Variants in MRPS28 observed in about 807,000 individuals in gnomAD.
MRPS28 encodes mitochondrial ribosomal protein S28, also known as small ribosomal subunit protein bS1m.
In MRPS28, 7 loss-of-function variants were observed where a neutral mutation model predicts 10.8. The observed-to-expected ratio is 0.65, with a 90% confidence interval of 0.37 to 1.22. The LOEUF (loss-of-function observed/expected upper bound fraction) is 1.22, where lower values mean the gene tolerates loss of function less well. Among genes scored for constraint, MRPS28 ranks in the 50% most tolerant of loss-of-function variants. The pLI, the probability that MRPS28 is intolerant of heterozygous loss-of-function variation, is 0.02. For missense variants in MRPS28, 265 were observed against 232.9 expected (o/e 1.14, Z -0.90); for synonymous variants, 121 against 93.3 (o/e 1.30, Z -1.71).
chr8:79,970,791 A>G (rs1807611637), intron 2 of MRPS28, among the ~76,000 whole-genome samples: 1 of 152,072 alleles, frequency 6.6e-6, no homozygotes, highest in African/African-American at 2.4e-5. Flanking sequence ...TATAAATCCA[A>G]AACATACATT....
chr8:80,007,746 C>T (rs542908001), intron 1 of MRPS28, among the ~76,000 whole-genome samples: 2 of 152,316 alleles, frequency 1.3e-5, no homozygotes, highest in South Asian at 4.1e-4. Context: ...AGGAGAACTA[C>T]AAACCACTGC....
chr8:80,003,545 T>G (rs1808726206), intron 1 of MRPS28, among the ~76,000 whole-genome samples: 1 of 152,096 alleles, frequency 6.6e-6, no homozygotes, highest in Non-Finnish European at 1.5e-5. Context: ...TAGGAACAGC[T>G]CCAGTCTACA....
chr8:79,998,883 G>A (rs760594661), intron 2 of MRPS28, among the ~76,000 whole-genome samples: 1 of 152,098 alleles, frequency 6.6e-6, no homozygotes, highest in Non-Finnish European at 1.5e-5. Flanking sequence ...TTATAAGTCT[G>A]AAATGCCAAA....
chr8:79,997,121 A>T (rs1234025350), intron 2 of MRPS28, among the ~76,000 whole-genome samples: 1 of 152,220 alleles, frequency 6.6e-6, no homozygotes, highest in African/African-American at 2.4e-5. Context: ...TAGAAAGGAA[A>T]CAATCAAGTC....
intron 2 of MRPS28, among the ~76,000 whole-genome samples, chr8:79,945,018 C>T (rs181886255): frequency 1.3e-5 from 2 of 152,138 alleles, no homozygotes; most frequent in Admixed American, 6.5e-5. Context: ...TTTCTAAACA[C>T]AAAACTTCAA....
chr8:79,992,893 T>A (rs1284550132), intron 2 of MRPS28, among the ~76,000 whole-genome samples: 3 of 152,298 alleles, frequency 2.0e-5, no homozygotes, highest in Admixed American at 1.3e-4. Context: ...ATAACAAGGT[T>A]AAAGAAAATA....
intron 2 of MRPS28, among the ~76,000 whole-genome samples, chr8:79,990,909 TG>T (rs1475831803): frequency 2.6e-5 from 4 of 151,524 alleles, no homozygotes; most frequent in African/African-American, 9.7e-5. Context: ...GAGAATTTCT[TG>T]AAGCCCAGAG....
chr8:79,984,322 G>T (rs1808078922), intron 2 of MRPS28, among the ~76,000 whole-genome samples: 1 of 152,194 alleles, frequency 6.6e-6, no homozygotes, highest in African/African-American at 2.4e-5. Context: ...GCATAATCAT[G>T]CCAAATTGTA....
At chr8:79,980,213 C>T (rs1401131317) in intron 2 of MRPS28, among the ~76,000 whole-genome samples, 1 of 152,156 alleles carries the variant, frequency 6.6e-6, no homozygotes, top group Non-Finnish European at 1.5e-5. Flanking sequence ...CTATCTTCAA[C>T]CACTTTAAAG....
chr8:80,013,423 T>C (rs1298621495), intron 1 of MRPS28, among the ~76,000 whole-genome samples: 1 of 151,608 alleles, frequency 6.6e-6, no homozygotes, highest in Admixed American at 6.6e-5. Flanking sequence ...TCACCTGAGG[T>C]CCGGAATTCG....
chr8:79,949,621 G>A (rs899704278), intron 2 of MRPS28, among the ~76,000 whole-genome samples: 3 of 152,036 alleles, frequency 2.0e-5, no homozygotes, highest in Non-Finnish European at 4.4e-5. Flanking sequence ...ATATTATGTA[G>A]TATAATTAAT....
intron 2 of MRPS28, among the ~76,000 whole-genome samples, chr8:79,947,600 T>C (rs1806952737): frequency 6.6e-6 from 1 of 151,684 alleles, no homozygotes; most frequent in Admixed American, 6.6e-5. Flanking sequence ...AGCATAGAGG[T>C]CTTACATATC....
intron 2 of MRPS28, among the ~76,000 whole-genome samples, chr8:79,975,330 T>C (rs1807765542): frequency 6.6e-6 from 1 of 151,958 alleles, no homozygotes. Flanking sequence ...CACTGAAATA[T>C]ACAACTATAA....
intron 1 of MRPS28, among the ~76,000 whole-genome samples, chr8:80,024,765 A>G (rs78538888): frequency 6.6e-6 from 1 of 152,354 alleles, no homozygotes; most frequent in Non-Finnish European, 1.5e-5. Context: ...AGCATTATGC[A>G]AAGGATGAAG....
chr8:79,947,827 CG>C (rs1438619028), intron 2 of MRPS28, among the ~76,000 whole-genome samples: 8 of 150,742 alleles, frequency 5.3e-5, no homozygotes, highest in African/African-American at 1.5e-4. Flanking sequence ...TTAGTAGAGA[CG>C]GGGTTTCACC....
intron 2 of MRPS28, among the ~76,000 whole-genome samples, chr8:79,948,874 T>A (rs1386358903): frequency 6.6e-6 from 1 of 152,236 alleles, no homozygotes; most frequent in Non-Finnish European, 1.5e-5. Flanking sequence ...TACCATTTTG[T>A]TAAAGAGTTC....
chr8:80,027,970 G>C (rs1459420659), intron 1 of MRPS28, among the ~76,000 whole-genome samples: 1 of 152,132 alleles, frequency 6.6e-6, no homozygotes, highest in South Asian at 2.1e-4. Context: ...GGACTGCCAG[G>C]AAACACCCCA....
At chr8:79,939,752 C>T (rs548704872) in intron 2 of MRPS28, among the ~76,000 whole-genome samples, 8 of 152,086 alleles carry the variant, frequency 5.3e-5, no homozygotes, top group South Asian at 4.2e-4. Context: ...AGGCGGATCA[C>T]GAGGTCAGGA....
intron 2 of MRPS28, among the ~76,000 whole-genome samples, chr8:79,928,426 C>T (rs1319516527): frequency 4.6e-5 from 7 of 151,876 alleles, no homozygotes; most frequent in African/African-American, 1.7e-4. Context: ...GCCCTTTGCA[C>T]CCCCAATTTG....
Sources: allele counts gnomAD v4.1 joint callset (sites outside exome capture counted in the v4.1 genomes callset), GRCh38; gene constraint gnomAD v4.1.1; transcripts MANE v1.5; gene names NCBI Gene and HGNC (gene_info 2026-07-23, HGNC 2026-07-21).